Variants in R3HDM2 observed in about 807,000 individuals in gnomAD.
R3HDM2 encodes R3H domain containing 2.
R3HDM2 carries 38 observed loss-of-function variants against 124.5 expected under a neutral mutation model. The ratio of observed to expected loss-of-function variants is 0.31; its 90% CI spans 0.24 to 0.40. R3HDM2 has a LOEUF of 0.40. Among genes scored for constraint, R3HDM2 ranks in the 10% least tolerant of loss-of-function variants. R3HDM2 has a pLI of 1.00. For synonymous variants in R3HDM2, 391 were observed against 448.0 expected (o/e 0.87, Z 1.61); for missense variants, 869 against 1,236.9 (o/e 0.70, Z 4.46).
chr12:57,396,593 A>G (rs1255160702), intron 1 of R3HDM2, among the ~76,000 whole-genome samples: 1 of 152,152 alleles, frequency 6.6e-6, no homozygotes, highest in Non-Finnish European at 1.5e-5. Context: ...CCTGGCAAAG[A>G]TGGTGAAACC....
intron 13 of R3HDM2, among the ~76,000 whole-genome samples, chr12:57,281,881 A>G (rs2046231351): frequency 6.6e-6 from 1 of 152,254 alleles, no homozygotes; most frequent in Admixed American, 6.5e-5. Flanking sequence ...ACAAAGTTGC[A>G]TGAAAGCAAA....
At chr12:57,384,599 T>C (rs2065423514) in intron 2 of R3HDM2, among the ~76,000 whole-genome samples, 1 of 152,182 alleles carries the variant, frequency 6.6e-6, no homozygotes, top group Non-Finnish European at 1.5e-5. Flanking sequence ...GCTGCAAGTA[T>C]TGCATAAAGA....
intron 1 of R3HDM2, chr12:57,430,489 G>GGCCCC: frequency 1.3e-6 from 1 of 790,576 alleles, no homozygotes; most frequent in Non-Finnish European, 1.5e-6. Flanking sequence ...CCACCCCCCT[G>GGCCCC]CCCCCGCACC....
chr12:57,320,261 C>CAAAGAAAAAAA (rs2056140584), intron 2 of R3HDM2, among the ~76,000 whole-genome samples: 1 of 14,276 alleles, frequency 7.0e-5, no homozygotes, highest in Non-Finnish European at 1.3e-4. Context: ...AACTCTATCT[C>CAAAGAAAAAAA]AAAAAAAAAA....
At chr12:57,307,527 G>A (rs904912379) in intron 3 of R3HDM2, among the ~76,000 whole-genome samples, 6 of 151,850 alleles carry the variant, frequency 4.0e-5, no homozygotes, top group Non-Finnish European at 7.4e-5. Flanking sequence ...CGCCATGTTG[G>A]CCAGGCTGGT....
At chr12:57,403,453 T>C (rs926758780) in intron 1 of R3HDM2, among the ~76,000 whole-genome samples, 10 of 150,730 alleles carry the variant, frequency 6.6e-5, no homozygotes, top group African/African-American at 2.2e-4. Flanking sequence ...GATCACACCA[T>C]TGCACTCCAG....
chr12:57,409,975 C>T (rs1322450493), intron 1 of R3HDM2, among the ~76,000 whole-genome samples: 1 of 152,076 alleles, frequency 6.6e-6, no homozygotes, highest in Non-Finnish European at 1.5e-5. Flanking sequence ...TTTCAATTTT[C>T]TTTTACATTT....
intron 1 of R3HDM2, among the ~76,000 whole-genome samples, chr12:57,422,251 TAA>T (rs778158330): frequency 2.6e-5 from 4 of 151,838 alleles, no homozygotes; most frequent in Admixed American, 6.6e-5. Context: ...CAAATTGCTA[TAA>T]GAGATATTTT....
intron 2 of R3HDM2, among the ~76,000 whole-genome samples, chr12:57,342,828 CT>C (rs1349529747): frequency 3.9e-5 from 6 of 152,126 alleles, no homozygotes; most frequent in Non-Finnish European, 5.9e-5. Context: ...AAGACCAAAC[CT>C]TGTTATAGAG....
intron 2 of R3HDM2, among the ~76,000 whole-genome samples, chr12:57,343,671 C>T (rs2059811534): frequency 6.8e-6 from 1 of 146,450 alleles, no homozygotes; most frequent in South Asian, 2.1e-4. Flanking sequence ...TTCATTCAGA[C>T]AAATACTTGT....
At chr12:57,397,955 G>C (rs1268767531) in intron 1 of R3HDM2, among the ~76,000 whole-genome samples, 1 of 152,148 alleles carries the variant, frequency 6.6e-6, no homozygotes. Context: ...AGGCTAAGGC[G>C]GGCGAATCAC....
At chr12:57,281,728 T>G (rs989996121) in intron 13 of R3HDM2, among the ~76,000 whole-genome samples, 1 of 152,014 alleles carries the variant, frequency 6.6e-6, no homozygotes, top group African/African-American at 2.4e-5. Context: ...TCAAGTGATC[T>G]GCCTGCCTCT....
chr12:57,354,447 C>G (rs1401250799), intron 2 of R3HDM2, among the ~76,000 whole-genome samples: 5 of 151,758 alleles, frequency 3.3e-5, no homozygotes, highest in Non-Finnish European at 7.4e-5. Context: ...TGTGGGCCAC[C>G]ATACCCAGCT....
intron 1 of R3HDM2, among the ~76,000 whole-genome samples, chr12:57,402,748 C>A (rs950456592): frequency 1.3e-5 from 2 of 151,736 alleles, no homozygotes; most frequent in African/African-American, 4.8e-5. Context: ...CCAGTCTGGG[C>A]AACAAAGCAG....
chr12:57,385,865 G>T (rs184804357), intron 2 of R3HDM2, among the ~76,000 whole-genome samples: 75 of 152,270 alleles, frequency 4.9e-4, no homozygotes, highest in Middle Eastern at 6.8e-3. Flanking sequence ...ACCATTTTCA[G>T]AGTAGTAGTA....
intron 21 of R3HDM2, among the ~76,000 whole-genome samples, chr12:57,257,317 G>A (rs888695981): frequency 3.3e-5 from 5 of 152,124 alleles, no homozygotes; most frequent in African/African-American, 1.2e-4. Flanking sequence ...TGCTGGAAAG[G>A]TTAAACAAAT....
At chr12:57,257,070 C>T (rs1469951943) in intron 21 of R3HDM2, among the ~76,000 whole-genome samples, 2 of 152,120 alleles carry the variant, frequency 1.3e-5, no homozygotes, top group South Asian at 2.1e-4. Flanking sequence ...CCGCCTGCCC[C>T]GGGCTCCCAA....
At chr12:57,277,303 C>T (rs996637359) in intron 14 of R3HDM2, among the ~76,000 whole-genome samples, 7 of 152,048 alleles carry the variant, frequency 4.6e-5, no homozygotes, top group African/African-American at 1.5e-4. Flanking sequence ...CGAGCTTCAC[C>T]GACACACAAT....
At chr12:57,415,901 A>G (rs1189951781) in intron 1 of R3HDM2, among the ~76,000 whole-genome samples, 1 of 152,248 alleles carries the variant, frequency 6.6e-6, no homozygotes, top group Non-Finnish European at 1.5e-5. Flanking sequence ...TCTAGGTTAA[A>G]AGAGACTACA....
Sources: allele counts gnomAD v4.1 joint callset (sites outside exome capture counted in the v4.1 genomes callset), GRCh38; gene constraint gnomAD v4.1.1; transcripts MANE v1.5; gene names NCBI Gene and HGNC (gene_info 2026-07-23, HGNC 2026-07-21).